Variants in LRRTM4 observed in about 807,000 individuals in gnomAD.
The protein encoded by LRRTM4 is leucine rich repeat transmembrane neuronal 4.
LRRTM4 carries 25 observed loss-of-function variants against 47.6 expected under a neutral mutation model. That is an observed-to-expected ratio of 0.53 (90% confidence interval 0.38 to 0.73). The LOEUF (loss-of-function observed/expected upper bound fraction) is 0.73. LRRTM4 is among the 30% of genes least tolerant of loss of function. The pLI is 0.00. For synonymous variants in LRRTM4, 311 were observed against 269.5 expected (o/e 1.15, Z -1.51); for missense variants, 638 against 713.4 (o/e 0.89, Z 1.20).
chr2:77,264,535 A>G (rs939361491), intron 3 of LRRTM4, among the ~76,000 whole-genome samples: 3 of 152,126 alleles, frequency 2.0e-5, no homozygotes, highest in African/African-American at 7.2e-5. Flanking sequence ...ACTTCAGTCT[A>G]TAATAGAAAG....
intron 3 of LRRTM4, among the ~76,000 whole-genome samples, chr2:76,998,815 T>C (rs1677304002): frequency 6.6e-6 from 1 of 151,820 alleles, no homozygotes; most frequent in Non-Finnish European, 1.5e-5. Flanking sequence ...GAGATTTCTT[T>C]CAGTCAGTCC....
intron 3 of LRRTM4, among the ~76,000 whole-genome samples, chr2:76,930,800 T>C (rs984933536): frequency 1.3e-5 from 2 of 152,072 alleles, no homozygotes; most frequent in Non-Finnish European, 2.9e-5. Context: ...GTTATTAAAA[T>C]TGCCTAGGAG....
At chr2:76,962,936 TACAC>T (rs1424862352) in intron 3 of LRRTM4, among the ~76,000 whole-genome samples, 6 of 150,872 alleles carry the variant, frequency 4.0e-5, no homozygotes, top group African/African-American at 7.2e-5. Context: ...AGCACACTTA[TACAC>T]ACAAACACGT....
intron 3 of LRRTM4, among the ~76,000 whole-genome samples, chr2:77,251,064 T>C (rs1402723946): frequency 2.0e-5 from 3 of 151,292 alleles, no homozygotes; most frequent in East Asian, 3.9e-4. Context: ...GATAGTGCCA[T>C]TGCACTCCAG....
rs960387061 is a variant in LRRTM4, at chr2:77,519,358, T to C, written c.511A>G (p.Thr171Ala). The C allele has an allele frequency of 1.9e-6, 3 of 1,613,312 alleles. No homozygotes were observed. The highest frequency in any genetic ancestry group is 3.3e-5 in the Admixed American group (2 of 59,890). Reference protein sequence around the residue: ...ILHLRSNSLKTVPIRVFQDCR... With the variant: ...ILHLRSNSLKAVPIRVFQDCR... ...TCTTGAAAAACTCTTATGGGCACAG[T>C]CTTTAGTGAGTTAGATCTCAAGTGC... The change falls in exon 3 of 4, where the codon ACT becomes GCT. Residue 171 changes from threonine to alanine, a missense_variant. Transcript: ENST00000409884. The surrounding 1 kb of genome is among the most constrained non-coding windows in gnomAD (Gnocchi z 4.6).
chr2:76,898,790 T>C (rs1008787459), intron 3 of LRRTM4, among the ~76,000 whole-genome samples: 2 of 151,030 alleles, frequency 1.3e-5, no homozygotes, highest in African/African-American at 4.8e-5. Flanking sequence ...TCACTATACA[T>C]TATATATAAT....
chr2:77,319,652 T>G (rs1417407981), intron 3 of LRRTM4, among the ~76,000 whole-genome samples: 3 of 152,228 alleles, frequency 2.0e-5, no homozygotes, highest in Admixed American at 2.0e-4. Flanking sequence ...TCAGATTTTC[T>G]GGCGTACAGG....
intron 3 of LRRTM4, among the ~76,000 whole-genome samples, chr2:77,085,326 GA>G (rs1294916707): frequency 2.7e-5 from 4 of 149,764 alleles, no homozygotes; most frequent in South Asian, 4.2e-4. Context: ...AATAATTTAA[GA>G]ATCATTGTTT....
At chr2:76,916,406 A>AAAAAAAAAAAAAAAAAAG in intron 3 of LRRTM4, among the ~76,000 whole-genome samples, 1 of 146,640 alleles carries the variant, frequency 6.8e-6, no homozygotes, top group African/African-American at 2.6e-5. Flanking sequence ...AAAAAAAAAA[A>AAAAAAAAAAAAAAAAAAG]AGAAAAGAAA....
chr2:77,485,796 T>G lies in LRRTM4; in HGVS notation c.1551+32522A>C, dbSNP rs369691441. Among the ~76,000 whole-genome samples the G allele has an allele frequency of 7.0e-4, 106 of 152,262 alleles. 3 individuals carry two copies. The South Asian group carries it at 0.02, about 29-fold the overall frequency. ...TTCAGGCTGCAGTAGAGTGGCATGA[T>G]CACAACTCACTGTAGCCTAGACTTC... On this transcript the variant is annotated intron_variant, in intron 3 of 3. Transcript: ENST00000409884.
At position 77,492,371 on chromosome 2, in the gene LRRTM4, T is replaced by A. The variant is rs552200378; in HGVS notation, c.1551+25947A>T. On this transcript the variant is annotated intron_variant, in intron 3 of 3. Coordinates refer to ENST00000409884, the MANE Select transcript of LRRTM4 (RefSeq NM_001134745.3). ...AACTCCTGAGCTCAAGGAATCCTTT[T>A]GCTTTAGCCTCTAGAGTATCTGGAC... Among the ~76,000 whole-genome samples the A allele has an allele frequency of 2.6e-5, 4 of 152,304 alleles. No homozygotes were observed. The South Asian group carries it at 8.3e-4, about 32-fold the overall frequency.
chr2:76,756,962 T>G, intron 3 of LRRTM4, among the ~76,000 whole-genome samples: 1 of 152,190 alleles, frequency 6.6e-6, no homozygotes, highest in East Asian at 1.9e-4. Flanking sequence ...CTTTATTTTG[T>G]TTTGAAGATG....
At chr2:77,327,838 A>C (rs940562360) in intron 3 of LRRTM4, among the ~76,000 whole-genome samples, 10 of 152,204 alleles carry the variant, frequency 6.6e-5, no homozygotes, top group African/African-American at 2.4e-4. Flanking sequence ...GAATGAAAGA[A>C]AATAAGAAGC....
chr2:76,878,730 C>T (rs557088947), intron 3 of LRRTM4, among the ~76,000 whole-genome samples: 36 of 152,128 alleles, frequency 2.4e-4, no homozygotes, highest in Middle Eastern at 3.4e-3. Context: ...AAAATTTAAC[C>T]AGGCATGGTG....
chr2:76,913,405 C>T (rs965324753), intron 3 of LRRTM4, among the ~76,000 whole-genome samples: 2 of 151,608 alleles, frequency 1.3e-5, no homozygotes, highest in Non-Finnish European at 2.9e-5. Context: ...ATTTATTTAA[C>T]TAAATATATT....
intron 3 of LRRTM4, among the ~76,000 whole-genome samples, chr2:77,219,747 G>C (rs1485102886): frequency 6.6e-6 from 1 of 152,166 alleles, no homozygotes; most frequent in Non-Finnish European, 1.5e-5. Context: ...AGGTCACTTT[G>C]GTGGCAATAA....
chr2:77,226,764 C>T (rs1406429418), intron 3 of LRRTM4, among the ~76,000 whole-genome samples: 1 of 151,802 alleles, frequency 6.6e-6, no homozygotes, highest in African/African-American at 2.4e-5. Flanking sequence ...ACATTGAATC[C>T]TTAAATAGGA....
intron 3 of LRRTM4, among the ~76,000 whole-genome samples, chr2:77,118,610 A>G (rs1288577814): frequency 6.6e-6 from 1 of 151,936 alleles, no homozygotes; most frequent in East Asian, 1.9e-4. Flanking sequence ...AATTGAGTCT[A>G]TCAAGGTGAA....
chr2:77,456,694 T>A (rs772637594), intron 3 of LRRTM4, among the ~76,000 whole-genome samples: 23 of 152,048 alleles, frequency 1.5e-4, no homozygotes, highest in Non-Finnish European at 2.5e-4. Flanking sequence ...TTCACCTCTC[T>A]ACTCTTGAAA....
Sources: gnomAD v4.1 joint callset for allele counts (sites outside exome capture counted in the v4.1 genomes callset) on GRCh38, gnomAD v4.1.1 for gene constraint, Gnocchi (gnomAD v3.1) non-coding constraint, MANE v1.5 for transcripts, NCBI Gene and HGNC (gene_info 2026-07-23, HGNC 2026-07-21) for gene names.